The following NBEA variants were observed in gnomAD, a reference collection of about 807,000 sequenced individuals.
The protein encoded by NBEA is lysosomal-trafficking regulator 2.
A neutral mutation model predicts 343.4 loss-of-function variants in NBEA; 44 were observed. The ratio of observed to expected loss-of-function variants is 0.13; its 90% CI spans 0.10 to 0.16. The LOEUF is 0.16. Ranked by LOEUF, NBEA falls within the 10% of genes least tolerant of loss-of-function variation. NBEA has a pLI of 1.00. For synonymous variants in NBEA, 1,175 were observed against 1,238.7 expected, an observed-to-expected ratio of 0.95 and a Z score of 1.08; for missense variants, 2,555 against 3,631.3, an observed-to-expected ratio of 0.70 and a Z score of 7.62.
At chr13:35,027,210 A>C (rs1043320205) in intron 1 of NBEA, among the ~76,000 whole-genome samples, 3 of 152,064 alleles carry the variant, frequency 2.0e-5, no homozygotes, top group African/African-American at 7.2e-5. Context: ...GCTATTAACA[A>C]TTATGTACAG....
At chr13:35,475,299 G>A in intron 41 of NBEA, 1 of 1,614,064 alleles carries the variant, frequency 6.2e-7, no homozygotes, top group Non-Finnish European at 8.5e-7. Flanking sequence ...TTTCACACTC[G>A]TAGGAAACCA....
chr13:35,628,308 A>G, intron 49 of NBEA, 60 bp downstream of exon 49: 1 of 1,196,086 alleles, frequency 8.4e-7, no homozygotes, highest in Non-Finnish European at 1.1e-6. Context: ...CACAAATTTG[A>G]CATTTCATCT....
intron 34 of NBEA, among the ~76,000 whole-genome samples, chr13:35,279,301 T>A (rs2034881414): frequency 6.6e-6 from 1 of 152,192 alleles, no homozygotes; most frequent in African/African-American, 2.4e-5. Context: ...TCATTAATCT[T>A]TACTAGCAAG....
intron 38 of NBEA, among the ~76,000 whole-genome samples, chr13:35,428,818 A>G (rs776819385): frequency 2.6e-5 from 4 of 151,988 alleles, no homozygotes; most frequent in Non-Finnish European, 5.9e-5. Context: ...TTTTTCTGAG[A>G]TAATTTATTT....
intron 36 of NBEA, among the ~76,000 whole-genome samples, chr13:35,327,974 C>T (rs759686496): frequency 6.6e-6 from 1 of 151,442 alleles, no homozygotes; most frequent in African/African-American, 2.4e-5. Context: ...GTGGCATCTG[C>T]AAAAAACATA....
Position 35,116,063 on chromosome 13 carries a change from G to A in NBEA, c.2003-1351G>A, listed in dbSNP as rs146782045. 9.1e-4 allele frequency among the ~76,000 whole-genome samples: 138 copies of A among 152,334 alleles called. 1 individual carries two copies. Among genetic ancestry groups the A allele is most frequent in the Middle Eastern group, 3.4e-3 (1 of 294 alleles). On this transcript the variant is annotated intron_variant, in intron 13 of 58. Coordinates refer to ENST00000379939, the MANE Select transcript of NBEA (RefSeq NM_001385012.1). ...GCACAGAGCTGAGGTCTGGAGCATG[G>A]TGAGGGCTTTGGCATGCAGGGCAGG... is the stretch of plus-strand genomic sequence containing the variant.
rs572383963 is a variant in NBEA, at chr13:35,153,227, G to T, written c.2446-2547G>T. Reference sequence around the variant, plus strand: ...TTTTGTATTTTTTAGTAGAGACAGGGTTTCACCGTGTTAGCCAGGATGGTC... The same window carrying T: ...TTTTGTATTTTTTAGTAGAGACAGGTTTTCACCGTGTTAGCCAGGATGGTC... On this transcript the variant is annotated intron_variant, in intron 18 of 58. Transcript: ENST00000379939. Among the ~76,000 whole-genome samples the T allele has an allele frequency of 2.6e-5, 4 of 151,770 alleles. No individual in the cohort carries two copies. The South Asian group carries it at 6.2e-4, about 24-fold the overall frequency.
chr13:35,083,667 A>C (rs570604171), intron 10 of NBEA, among the ~76,000 whole-genome samples: 92 of 152,296 alleles, frequency 6.0e-4, no homozygotes, highest in Non-Finnish European at 1.2e-3. Context: ...CCAAATTGTA[A>C]AGACCACCAA....
intron 45 of NBEA, among the ~76,000 whole-genome samples, chr13:35,573,581 G>C (rs182730393): frequency 2.6e-5 from 4 of 152,242 alleles, no homozygotes; most frequent in Admixed American, 2.6e-4. Context: ...AGCAGTCCTA[G>C]GCTCTGTTTG....
At chr13:35,620,776 T>G (rs2082951487) in intron 48 of NBEA, among the ~76,000 whole-genome samples, 1 of 152,022 alleles carries the variant, frequency 6.6e-6, no homozygotes, top group Admixed American at 6.6e-5. Context: ...TAAGAAATTA[T>G]TGATTCTGGG....
chr13:35,204,167 T>G (rs1248390047), intron 31 of NBEA, among the ~76,000 whole-genome samples: 3 of 152,140 alleles, frequency 2.0e-5, no homozygotes, highest in Non-Finnish European at 4.4e-5. Flanking sequence ...TGGCATTGGA[T>G]TCTTCTAGGA....
At chr13:35,018,865 T>A (rs2061739664) in intron 1 of NBEA, among the ~76,000 whole-genome samples, 1 of 152,216 alleles carries the variant, frequency 6.6e-6, no homozygotes, top group African/African-American at 2.4e-5. Flanking sequence ...TTAAGTATGA[T>A]GTTAGCTATA....
intron 36 of NBEA, among the ~76,000 whole-genome samples, chr13:35,331,552 A>G (rs1206340583): frequency 6.6e-6 from 1 of 151,964 alleles, no homozygotes; most frequent in East Asian, 1.9e-4. Flanking sequence ...CTATTGATGT[A>G]TTTTTCATCA....
intron 32 of NBEA, 106 bp downstream of exon 32, chr13:35,208,960 A>T: frequency 2.2e-6 from 2 of 904,188 alleles, no homozygotes; most frequent in Non-Finnish European, 1.6e-6. Flanking sequence ...ATTTAAGATT[A>T]TCTTAATTTT....
intron 1 of NBEA, among the ~76,000 whole-genome samples, chr13:34,994,232 A>G (rs1373375865): frequency 6.7e-6 from 1 of 148,266 alleles, no homozygotes; most frequent in Non-Finnish European, 1.5e-5. Context: ...AAAAAGTTCT[A>G]TAAGAAAAAA....
chr13:35,190,871 C>A (rs1225258164), intron 30 of NBEA, among the ~76,000 whole-genome samples: 1 of 152,020 alleles, frequency 6.6e-6, no homozygotes. Context: ...CAAGTAATTA[C>A]AGGAAGCATT....
At chr13:35,278,255 A>G (rs1448847029) in intron 34 of NBEA, among the ~76,000 whole-genome samples, 1 of 151,802 alleles carries the variant, frequency 6.6e-6, no homozygotes, top group East Asian at 1.9e-4. Flanking sequence ...CTCAATAAGG[A>G]TGTTATAAAT....
intron 1 of NBEA, among the ~76,000 whole-genome samples, chr13:35,035,186 G>A (rs2062392992): frequency 6.6e-6 from 1 of 151,570 alleles, no homozygotes; most frequent in Admixed American, 6.6e-5. Flanking sequence ...TGCTTTTGTT[G>A]TATCCCATAG....
At chr13:35,222,056 A>G (rs565989490) in intron 33 of NBEA, among the ~76,000 whole-genome samples, 1 of 152,312 alleles carries the variant, frequency 6.6e-6, no homozygotes, top group Non-Finnish European at 1.5e-5. Context: ...TACTAAAGGT[A>G]GAAATCCACA....
Sources: gnomAD v4.1 joint callset for allele counts (sites outside exome capture counted in the v4.1 genomes callset) on GRCh38, gnomAD v4.1.1 for gene constraint, MANE v1.5 for transcripts, NCBI Gene and HGNC (gene_info 2026-07-23, HGNC 2026-07-21) for gene names.